C3orf33: variants seen among roughly 807,000 people sequenced by gnomAD.
The protein encoded by C3orf33 is AP-1 activity suppressor.
Under a neutral mutation model 28.7 loss-of-function variants are expected in C3orf33, and 23 were observed. The observed-to-expected ratio is 0.80, with a 90% CI of 0.58 to 1.13. The LOEUF (loss-of-function observed/expected upper bound fraction) is 1.13, where lower values mean the gene tolerates loss of function less well. Among genes scored for constraint, C3orf33 ranks in the 50% most tolerant of loss-of-function variants. The pLI, the probability that C3orf33 is intolerant of heterozygous loss-of-function variation, is 0.00. For missense variants in C3orf33, 327 were observed against 353.4 expected, an observed-to-expected ratio of 0.93 and a Z score of 0.60; for synonymous variants, 119 against 120.5, an observed-to-expected ratio of 0.99 and a Z score of 0.08.
At chr3:155,781,014 G>A (rs1349452570) in intron 2 of C3orf33, among the ~76,000 whole-genome samples, 7 of 141,944 alleles carry the variant, frequency 4.9e-5, no homozygotes, top group Admixed American at 2.1e-4. Flanking sequence ...TTTTTGAGAC[G>A]GAGTCTCGCT....
Position 155,767,636 on chromosome 3 carries a change from G to T in C3orf33, c.356C>A (p.Ala119Asp). ...EPRGALLVKL[A>D]GVELAETGKA... Reference sequence around the variant, plus strand: ...CCCAGTTTCAGCGAGTTCTACTCCAGCCAACTTAACCAGCAAAGCACCACG... The same window carrying T: ...CCCAGTTTCAGCGAGTTCTACTCCATCCAACTTAACCAGCAAAGCACCACG... Residue 119 changes from alanine to aspartate, a missense_variant, in exon 4 of 5, where the codon GCT (alanine) becomes GAT (aspartate). By Grantham distance (126) the Ala-to-Asp change is moderately radical. Transcript: ENST00000340171. 1 of 1,577,724 alleles carries T rather than the reference G, an allele frequency of 6.3e-7. No homozygotes were observed. Among genetic ancestry groups the T allele is most frequent in the Admixed American group, 1.7e-5 (1 of 57,496 alleles).
intron 2 of C3orf33, among the ~76,000 whole-genome samples, chr3:155,776,309 T>G (rs1750743946): frequency 6.6e-6 from 1 of 152,130 alleles, no homozygotes; most frequent in South Asian, 2.1e-4. Context: ...TTTTTTTATC[T>G]TGTAGGAGAA....
chr3:155,794,520 G>A lies in C3orf33; in HGVS notation c.174+8012C>T, dbSNP rs527741526. ...AGAAAAAAAAAATTTTTTAATGACA[G>A]GAGTAAGTCATTACTTATCAATAAT... On this transcript the variant is annotated intron_variant, in intron 2 of 4. Transcript: ENST00000340171. Among the ~76,000 whole-genome samples the A allele has an allele frequency of 2.0e-5, 3 of 151,908 alleles. No homozygotes were observed. The East Asian group carries it at 5.8e-4, about 29-fold the overall frequency.
chr3:155,802,399 A>G, intron 2 of C3orf33, 133 bp downstream of exon 2: 1 of 632,014 alleles, frequency 1.6e-6, no homozygotes. Context: ...AAATATGTTC[A>G]TTGTTCTAAA....
At chr3:155,795,781 C>A (rs1327228704) in intron 2 of C3orf33, among the ~76,000 whole-genome samples, 1 of 151,546 alleles carries the variant, frequency 6.6e-6, no homozygotes, top group Non-Finnish European at 1.5e-5. Context: ...CACAGTGAAA[C>A]CCTGTCTCTA....
chr3:155,769,259 C>A (rs1483399229), intron 3 of C3orf33, among the ~76,000 whole-genome samples: 2 of 151,666 alleles, frequency 1.3e-5, no homozygotes, highest in Non-Finnish European at 2.9e-5. Flanking sequence ...TTGCGGTGAG[C>A]CAAGATCGTG....
intron 2 of C3orf33, among the ~76,000 whole-genome samples, chr3:155,788,678 CAA>C (rs556958457): frequency 5.8e-4 from 72 of 123,802 alleles, no homozygotes; most frequent in Admixed American, 8.3e-4. Flanking sequence ...GAGACTCCAT[CAA>C]AAAAAAAAAA....
chr3:155,794,228 G>T (rs1751415661), intron 2 of C3orf33, among the ~76,000 whole-genome samples: 1 of 152,032 alleles, frequency 6.6e-6, no homozygotes, highest in Admixed American at 6.6e-5. Context: ...TGATCCACCT[G>T]CCTCGGCCTC....
At chr3:155,805,158 TAAAAA>T (rs57906262) in intron 1 of C3orf33, among the ~76,000 whole-genome samples, 1 of 141,738 alleles carries the variant, frequency 7.1e-6, no homozygotes, top group Non-Finnish European at 1.5e-5. Context: ...GTGCTTCACT[TAAAAA>T]AAAAAAAAAA....
chr3:155,803,547 AGAGT>A (rs1751715226), intron 1 of C3orf33, among the ~76,000 whole-genome samples: 1 of 129,650 alleles, frequency 7.7e-6, no homozygotes, highest in Admixed American at 9.2e-5. Context: ...CCTGGGTAAC[AGAGT>A]GAGACTCAGT....
At chr3:155,797,358 T>C (rs1201420370) in intron 2 of C3orf33, among the ~76,000 whole-genome samples, 2 of 152,152 alleles carry the variant, frequency 1.3e-5, no homozygotes, top group Non-Finnish European at 2.9e-5. Flanking sequence ...TCACACTGAA[T>C]GGGGAAAAAC....
At chr3:155,793,381 A>AG (rs1751373806) in intron 2 of C3orf33, among the ~76,000 whole-genome samples, 1 of 132,148 alleles carries the variant, frequency 7.6e-6, no homozygotes, top group South Asian at 2.5e-4. Context: ...GATTAAAAAA[A>AG]AAAGAAAGAA....
rs1194934944 is a variant in C3orf33, at chr3:155,765,378, CAT to C, written c.484-1462_484-1461del. On this transcript the variant is annotated intron_variant, in intron 4 of 4. Coordinates refer to ENST00000340171, the MANE Select transcript of C3orf33 (RefSeq NM_001308229.2). ...TGGCACCTTAACTCAGTGTCTGACA[CAT>C]GTTGACCCTCAAAATATACATAATT... 7.2e-5 allele frequency among the ~76,000 whole-genome samples: 11 copies of C among 152,288 alleles called. No individual in the cohort carries two copies. The East Asian group carries it at 2.1e-3, about 29-fold the overall frequency.
At chr3:155,800,641 A>AT (rs1751619794) in intron 2 of C3orf33, among the ~76,000 whole-genome samples, 1 of 137,120 alleles carries the variant, frequency 7.3e-6, no homozygotes, top group Non-Finnish European at 1.6e-5. Flanking sequence ...AAAAAAAAAA[A>AT]GGCAACATAC....
chr3:155,766,750 A>G (rs1457459276), intron 4 of C3orf33, among the ~76,000 whole-genome samples: 1 of 152,050 alleles, frequency 6.6e-6, no homozygotes, highest in East Asian at 1.9e-4. Context: ...GGAGTTCGAG[A>G]CCTGCCTGGC....
chr3:155,771,067 T>A (rs1057353851), intron 3 of C3orf33, among the ~76,000 whole-genome samples: 3 of 142,000 alleles, frequency 2.1e-5, no homozygotes, highest in African/African-American at 8.1e-5. Flanking sequence ...TGAGACATAG[T>A]TTTGCTCTGC....
intron 2 of C3orf33, among the ~76,000 whole-genome samples, chr3:155,793,395 A>T (rs1046059199): frequency 3.3e-5 from 5 of 151,874 alleles, no homozygotes; most frequent in African/African-American, 9.7e-5. Flanking sequence ...GAAAGAAAAA[A>T]AACGGATGTT....
At chr3:155,801,884 G>A (rs1751660600) in intron 2 of C3orf33, among the ~76,000 whole-genome samples, 1 of 152,096 alleles carries the variant, frequency 6.6e-6, no homozygotes, top group Admixed American at 6.6e-5. Flanking sequence ...CTGAGTAGCT[G>A]GGATTACAGG....
intron 2 of C3orf33, among the ~76,000 whole-genome samples, chr3:155,794,640 A>G (rs1430758156): frequency 2.0e-5 from 3 of 152,148 alleles, no homozygotes; most frequent in African/African-American, 7.2e-5. Context: ...CAGGAAACAT[A>G]CTTCTCTTAA....
Sources: gnomAD v4.1 joint callset for allele counts (sites outside exome capture counted in the v4.1 genomes callset) on GRCh38, gnomAD v4.1.1 for gene constraint, MANE v1.5 for transcripts, NCBI Gene and HGNC (gene_info 2026-07-23, HGNC 2026-07-21) for gene names.